The following JAK1 variants were observed in gnomAD, a reference collection of about 807,000 sequenced individuals.
JAK1 encodes tyrosine-protein kinase JAK1.
A neutral mutation model predicts 136.6 loss-of-function variants in JAK1; 16 were observed. The ratio of observed to expected loss-of-function variants is 0.12; its 90% CI spans 0.08 to 0.18. The LOEUF is 0.18. Among genes scored for constraint, JAK1 ranks in the 10% least tolerant of loss-of-function variants. JAK1 has a pLI of 1.00. For synonymous variants in JAK1, 492 were observed against 519.5 expected, an observed-to-expected ratio of 0.95 and a Z score of 0.72; for missense variants, 859 against 1,450.1, an observed-to-expected ratio of 0.59 and a Z score of 6.62.
intron 1 of JAK1, among the ~76,000 whole-genome samples, chr1:64,888,090 A>G (rs1363326231): frequency 2.0e-5 from 3 of 152,222 alleles, no homozygotes; most frequent in African/African-American, 7.2e-5. Flanking sequence ...TAGGACAGGA[A>G]GAGAACTGTA....
At chr1:65,031,218 C>T (rs1009910486) in intron 2 of JAK1, among the ~76,000 whole-genome samples, 13 of 150,936 alleles carry the variant, frequency 8.6e-5, no homozygotes, top group South Asian at 6.3e-4. Flanking sequence ...TGGTGGATAC[C>T]GCCTTAACCA....
intron 2 of JAK1, among the ~76,000 whole-genome samples, chr1:65,001,288 G>A (rs1646753770): frequency 6.6e-6 from 1 of 152,136 alleles, no homozygotes; most frequent in Non-Finnish European, 1.5e-5. Flanking sequence ...ATCTTTCACT[G>A]GGCTGCAGTG....
intron 1 of JAK1, among the ~76,000 whole-genome samples, chr1:64,932,170 G>T (rs4916013): frequency 0.96 from 144,398 of 149,882 alleles, 69,764 homozygotes; most frequent in East Asian, 1. Flanking sequence ...ATCCCAGAAC[G>T]TTGGGGGGCC....
intron 10 of JAK1, among the ~76,000 whole-genome samples, chr1:64,856,109 TTATGATG>T (rs1303130635): frequency 2.6e-5 from 4 of 152,214 alleles, no homozygotes; most frequent in Admixed American, 1.3e-4. Context: ...GAGGTAATAA[TTATGATG>T]GCACAACTTC....
intron 11 of JAK1, among the ~76,000 whole-genome samples, chr1:64,853,057 C>T (rs555514930): frequency 2.4e-4 from 36 of 152,294 alleles, no homozygotes; most frequent in African/African-American, 8.7e-4. Flanking sequence ...TGAAGAGTTT[C>T]TTAGTTGCAT....
At chr1:64,837,765 G>C (rs1383802223) in intron 22 of JAK1, among the ~76,000 whole-genome samples, 167 bp downstream of exon 22, 1 of 152,194 alleles carries the variant, frequency 6.6e-6, no homozygotes, top group Admixed American at 6.5e-5. Context: ...AGGCTGAAAG[G>C]TGTGTTTCTT....
At chr1:64,985,255 G>A in intron 2 of JAK1, 1 of 1,606,340 alleles carries the variant, frequency 6.2e-7, no homozygotes, top group Non-Finnish European at 8.5e-7. Flanking sequence ...ACAGAGAGCT[G>A]CTGAGAGAGC....
chr1:64,867,976 G>A (rs1050253162), intron 6 of JAK1, among the ~76,000 whole-genome samples: 3 of 151,822 alleles, frequency 2.0e-5, no homozygotes, highest in African/African-American at 7.3e-5. Flanking sequence ...GGCAACAACA[G>A]CAAAACTCCG....
intron 2 of JAK1, among the ~76,000 whole-genome samples, chr1:65,011,840 C>G (rs1208692686): frequency 6.6e-6 from 1 of 152,148 alleles, no homozygotes; most frequent in Non-Finnish European, 1.5e-5. Context: ...GAGTAAATCC[C>G]AGGGAAGGAA....
At chr1:64,911,845 T>G (rs1223508259) in intron 1 of JAK1, among the ~76,000 whole-genome samples, 1 of 152,246 alleles carries the variant, frequency 6.6e-6, no homozygotes, top group Admixed American at 6.5e-5. Context: ...TTCACAATTT[T>G]CTGTTATTTC....
intron 2 of JAK1, among the ~76,000 whole-genome samples, chr1:65,027,428 C>T (rs1322312312): frequency 6.6e-6 from 1 of 152,134 alleles, no homozygotes; most frequent in Admixed American, 6.6e-5. Context: ...CTATCTCTGA[C>T]TGATGCCGGC....
intron 17 of JAK1, among the ~76,000 whole-genome samples, chr1:64,843,343 T>C (rs756867435): frequency 3.3e-5 from 5 of 152,038 alleles, no homozygotes; most frequent in Non-Finnish European, 5.9e-5. Context: ...GAAGGGACAA[T>C]GGTCTTTCAT....
chr1:64,849,167 G>T (rs1445089117), intron 12 of JAK1, among the ~76,000 whole-genome samples: 1 of 151,986 alleles, frequency 6.6e-6, no homozygotes, highest in African/African-American at 2.4e-5. Context: ...CTAGCTACTT[G>T]AGTTCATCCT....
At chr1:64,912,149 C>T (rs1168401052) in intron 1 of JAK1, among the ~76,000 whole-genome samples, 1 of 152,118 alleles carries the variant, frequency 6.6e-6, no homozygotes, top group East Asian at 1.9e-4. Context: ...AATTCCAATC[C>T]TTACCCTACA....
intron 2 of JAK1, among the ~76,000 whole-genome samples, chr1:64,979,324 A>G (rs898496628): frequency 2.6e-5 from 4 of 152,224 alleles, no homozygotes. Context: ...GCTTGACCCC[A>G]GGAGTTCGAG....
At chr1:64,925,700 G>T (rs1275189832) in intron 1 of JAK1, among the ~76,000 whole-genome samples, 1 of 152,164 alleles carries the variant, frequency 6.6e-6, no homozygotes, top group Non-Finnish European at 1.5e-5. Flanking sequence ...CACTTACCAT[G>T]TTCTTCAGGC....
At chr1:65,054,342 A>G (rs1259189046) in intron 1 of JAK1, among the ~76,000 whole-genome samples, 1 of 152,096 alleles carries the variant, frequency 6.6e-6, no homozygotes, top group African/African-American at 2.4e-5. Flanking sequence ...CTATTATTTC[A>G]TATATTGTAT....
chr1:64,947,351 C>G (rs548460999), intron 1 of JAK1, among the ~76,000 whole-genome samples: 121 of 152,294 alleles, frequency 7.9e-4, no homozygotes, highest in Non-Finnish European at 1.5e-3. Flanking sequence ...CACCTGACCC[C>G]CATCCATGCC....
intron 1 of JAK1, among the ~76,000 whole-genome samples, chr1:64,896,642 A>T (rs1325204591): frequency 1.3e-5 from 2 of 152,232 alleles, no homozygotes; most frequent in Non-Finnish European, 2.9e-5. Context: ...AGAAGAAAAG[A>T]AAACAACAAA....
Sources: gnomAD v4.1 joint callset for allele counts (sites outside exome capture counted in the v4.1 genomes callset) on GRCh38, gnomAD v4.1.1 for gene constraint, MANE v1.5 for transcripts, NCBI Gene and HGNC (gene_info 2026-07-23, HGNC 2026-07-21) for gene names.